The following PIK3R4 variants were observed in gnomAD, a reference collection of about 807,000 sequenced individuals.
The protein encoded by PIK3R4 is phosphoinositide-3-kinase regulatory subunit 4, also known as phosphoinositide 3-kinase regulatory subunit 4.
A neutral mutation model predicts 136.5 loss-of-function variants in PIK3R4; 46 were observed. That is an observed-to-expected ratio of 0.34 (90% CI 0.27 to 0.43). PIK3R4 has a LOEUF of 0.43. PIK3R4 is among the 20% of genes least tolerant of loss of function. PIK3R4 has a pLI of 1.00. For missense variants in PIK3R4, 1,331 were observed against 1,649.5 expected (o/e 0.81, Z 3.35); for synonymous variants, 557 against 566.7 (o/e 0.98, Z 0.24).
In PIK3R4 at chr3:130,746,783, A is replaced by T. The variant is rs147983271; in HGVS notation, c.-512T>A. ...GAAAACACTACACTTCAGCTGCTGC[A>T]GCCCCAGCAAACGCCGAACTCCCGG... On this transcript the variant is annotated 5_prime_UTR_variant, in exon 1 of 20. Coordinates refer to ENST00000356763, the MANE Select transcript of PIK3R4 (RefSeq NM_014602.3). 6.6e-6 allele frequency: 1 copy of T among 152,290 alleles called. No homozygotes were observed. Among genetic ancestry groups the T allele is most frequent in the African/African-American group, 2.4e-5 (1 of 41,452 alleles). 9.4% of individuals were successfully genotyped at this position (152,290 alleles called of 1,614,324 possible). A position where few individuals can be genotyped will look rare whatever the true frequency, so the allele number is the denominator to read the frequency against.
chr3:130,737,942 C>G (rs2107621375), intron 2 of PIK3R4, among the ~76,000 whole-genome samples: 1 of 152,306 alleles, frequency 6.6e-6, no homozygotes, highest in Admixed American at 6.5e-5. Context: ...AAATCATAAG[C>G]TGAACCATTG....
chr3:130,712,153 T>C (rs536099624), intron 9 of PIK3R4, among the ~76,000 whole-genome samples: 1 of 152,308 alleles, frequency 6.6e-6, no homozygotes, highest in Admixed American at 6.5e-5. Flanking sequence ...CAAAAGTGTA[T>C]GTTAAGTCTA....
rs562200995 is a variant in PIK3R4, at chr3:130,746,746, C to A, written c.-475G>T. On this transcript the variant is annotated 5_prime_UTR_variant, in exon 1 of 20. Coordinates refer to ENST00000356763, the MANE Select transcript of PIK3R4 (RefSeq NM_014602.3). Reference sequence around the variant, plus strand: ...TGGAACCCGGGAGAGAAGTGCAGACCGCCAGTCCCAAGAAAACACTACACT... The same window carrying A: ...TGGAACCCGGGAGAGAAGTGCAGACAGCCAGTCCCAAGAAAACACTACACT... 2 of 152,342 alleles carry A rather than the reference C, an allele frequency of 1.3e-5. No individual in the cohort carries two copies. The highest frequency in any genetic ancestry group is 2.9e-5 in the Non-Finnish European group (2 of 68,192). The allele number at this position is 152,342 out of a possible 1,614,324, so 9.4% of individuals were successfully genotyped here. A position where few individuals can be genotyped will look rare whatever the true frequency, so the allele number is the denominator to read the frequency against.
intron 8 of PIK3R4, among the ~76,000 whole-genome samples, chr3:130,717,632 G>A (rs920916202): frequency 5.3e-5 from 8 of 152,130 alleles, no homozygotes; most frequent in Non-Finnish European, 1.2e-4. Context: ...AAGCTTCCTA[G>A]TTTCCAGAGT....
intron 9 of PIK3R4, among the ~76,000 whole-genome samples, chr3:130,709,485 A>C (rs1226528784): frequency 6.6e-6 from 1 of 152,168 alleles, no homozygotes; most frequent in Non-Finnish European, 1.5e-5. Flanking sequence ...AAGCTAAAAA[A>C]CATGAAATAA....
At chr3:130,737,156 G>A (rs2066790566) in intron 2 of PIK3R4, among the ~76,000 whole-genome samples, 1 of 152,120 alleles carries the variant, frequency 6.6e-6, no homozygotes, top group South Asian at 2.1e-4. Context: ...CAGATCTTCA[G>A]GTGCTCAAAT....
In PIK3R4 at chr3:130,705,619, C is replaced by G; in HGVS notation, c.2874G>C (p.Glu958Asp). 6.2e-7 allele frequency: 1 copy of G among 1,613,940 alleles called. No homozygotes were observed. The change falls in exon 12 of 20, where the codon GAG becomes GAC. Residue 958 changes from glutamate (E) to aspartate (D), a missense_variant. By Grantham distance (45) the Glu-to-Asp change is conservative (BLOSUM62 2). Around this residue, in one of 2 missense-constraint regions of PIK3R4, gnomAD observed 1,180 missense variants for 1,407.0 expected, o/e 0.84. Coordinates refer to ENST00000356763, the MANE Select transcript of PIK3R4 (RefSeq NM_014602.3). ...TTTCCATCATCTGCTTAGCTATTCT[C>G]TCAGCATTGCACTGCTCCCGCTTTT... ...IQQKREQCNA[E>D]RIAKQMMENA...
At chr3:130,710,312 A>G (rs948315170) in intron 9 of PIK3R4, among the ~76,000 whole-genome samples, 2 of 152,138 alleles carry the variant, frequency 1.3e-5, no homozygotes, top group African/African-American at 4.8e-5. Flanking sequence ...ATCAATCAAC[A>G]TATTTCAACA....
chr3:130,745,685 T>G (rs1374672051), intron 1 of PIK3R4, among the ~76,000 whole-genome samples: 1 of 152,212 alleles, frequency 6.6e-6, no homozygotes, highest in Non-Finnish European at 1.5e-5. Flanking sequence ...ATAGTTCTTG[T>G]CCAAGAATCT....
At chr3:130,709,452 A>G (rs1252771890) in intron 9 of PIK3R4, among the ~76,000 whole-genome samples, 1 of 152,130 alleles carries the variant, frequency 6.6e-6, no homozygotes, top group African/African-American at 2.4e-5. Context: ...AGACTATGAT[A>G]AAACCAACCC....
intron 10 of PIK3R4, 122 bp from the exon 11 acceptor site, chr3:130,707,257 T>C: frequency 1.9e-6 from 1 of 526,234 alleles, no homozygotes; most frequent in Non-Finnish European, 3.2e-6. Flanking sequence ...ATATTCTATT[T>C]GTTCCTTAAG....
Position 130,679,293 on chromosome 3 carries a change from A to AATTT in PIK3R4, c.*18_*21dup. The AATTT allele has an allele frequency of 1.4e-6, 2 of 1,458,340 alleles. No homozygotes were observed. The highest frequency in any genetic ancestry group is 2.6e-5 in the South Asian group (2 of 77,272). 90.3% of individuals were successfully genotyped at this position (1,458,340 alleles called of 1,614,324 possible). On this transcript the variant is annotated 3_prime_UTR_variant, in exon 20 of 20. Transcript: ENST00000356763. ...ATAGTATTATATTTATAACTATTAA[A>AATTT]ATTTATACAAATCAGTAGGTTTTAT...
At chr3:130,745,453 A>G (rs1049870763) in intron 1 of PIK3R4, among the ~76,000 whole-genome samples, 189 bp from the exon 2 acceptor site, 1 of 152,064 alleles carries the variant, frequency 6.6e-6, no homozygotes, top group Non-Finnish European at 1.5e-5. Context: ...AGACCATGTT[A>G]TTTTCTCCAA....
chr3:130,703,628 C>G, intron 13 of PIK3R4, 95 bp downstream of exon 13: 1 of 883,934 alleles, frequency 1.1e-6, no homozygotes, highest in Non-Finnish European at 1.8e-6. Flanking sequence ...TGCTGTATGC[C>G]TGGTACCCAA....
chr3:130,723,275 A>G, intron 7 of PIK3R4, 139 bp downstream of exon 7: 1 of 691,668 alleles, frequency 1.4e-6, no homozygotes, highest in Non-Finnish European at 2.4e-6. Context: ...ACACATACAC[A>G]CATGCACACC....
intron 13 of PIK3R4, among the ~76,000 whole-genome samples, chr3:130,701,910 T>C (rs1187122874): frequency 1.3e-5 from 2 of 151,784 alleles, no homozygotes; most frequent in Non-Finnish European, 2.9e-5. Flanking sequence ...GAGGGTAGGA[T>C]CACTTGAAGT....
chr3:130,705,473 T>C, intron 12 of PIK3R4, 88 bp downstream of exon 12: 2 of 820,890 alleles, frequency 2.4e-6, no homozygotes, highest in Middle Eastern at 2.3e-4. Context: ...ACCTCTTTTG[T>C]CTGGTAGTTA....
In PIK3R4 at chr3:130,730,316, T is replaced by C; in HGVS notation, c.1577A>G (p.Tyr526Cys). Residue 526 changes from tyrosine (Y) to cysteine (C), a missense_variant, in exon 5 of 20, where the codon TAT (tyrosine) becomes TGT (cysteine). Around this residue, in one of 2 missense-constraint regions of PIK3R4, gnomAD observed 1,180 missense variants for 1,407.0 expected, o/e 0.84. Transcript: ENST00000356763. Reference protein sequence around the residue: ...IDEVTHPNGNYDTELQALHEM... With the variant: ...IDEVTHPNGNCDTELQALHEM... ...AGAGAAAATTATACAACCTGTGTCA[T>C]AATTTCCATTTGGATGTGTAACCTC... is the stretch of plus-strand genomic sequence containing the variant. The C allele has an allele frequency of 6.3e-7, 1 of 1,587,740 alleles. No homozygotes were observed. Among genetic ancestry groups the C allele is most frequent in the Non-Finnish European group, 8.5e-7 (1 of 1,170,620 alleles).
At chr3:130,708,619 C>CTAATA in intron 9 of PIK3R4, 127 bp from the exon 10 acceptor site, 1 of 737,344 alleles carries the variant, frequency 1.4e-6, no homozygotes. Flanking sequence ...AAGGGTGAAA[C>CTAATA]AACCAAGTCC....
Sources: allele counts gnomAD v4.1 joint callset (sites outside exome capture counted in the v4.1 genomes callset), GRCh38; gene constraint gnomAD v4.1.1; regional missense constraint gnomAD v4.1.1; transcripts MANE v1.5; gene names NCBI Gene and HGNC (gene_info 2026-07-23, HGNC 2026-07-21).